Variants in CFAP20DC observed in about 807,000 individuals in gnomAD.
CFAP20DC encodes the protein CFAP20 domain containing.
In CFAP20DC, 84 loss-of-function variants were observed where a neutral mutation model predicts 101.7. The ratio of observed to expected loss-of-function variants is 0.83; its 90% CI spans 0.69 to 0.99. CFAP20DC has a LOEUF of 0.99. CFAP20DC is among the 50% of genes least tolerant of loss of function. The probability of loss-of-function intolerance (pLI) is 0.00; values close to 1 mark genes in which losing one functional copy is unlikely to be tolerated. For synonymous variants in CFAP20DC, 359 were observed against 351.2 expected (o/e 1.02, Z -0.25); for missense variants, 1,007 against 970.3 (o/e 1.04, Z -0.50).
intron 15 of CFAP20DC, among the ~76,000 whole-genome samples, chr3:58,764,312 C>T (rs746362581): frequency 1.4e-4 from 21 of 152,150 alleles, no homozygotes; most frequent in Non-Finnish European, 1.5e-4. Flanking sequence ...AGCGAGGCTC[C>T]GTTGGTGTAG....
intron 14 of CFAP20DC, among the ~76,000 whole-genome samples, chr3:58,824,266 T>A (rs1236371623): frequency 6.6e-6 from 1 of 152,084 alleles, no homozygotes; most frequent in East Asian, 1.9e-4. Flanking sequence ...AACCTATTAA[T>A]TATAAGGAGT....
At position 58,914,857 on chromosome 3, in the gene CFAP20DC, A is replaced by G. The variant is rs901632743; in HGVS notation, c.394-993T>C. On this transcript the variant is annotated intron_variant, in intron 5 of 16. Coordinates refer to ENST00000482387, the MANE Select transcript of CFAP20DC (RefSeq NM_001394063.1). This position sits in a 1 kb window ranked among gnomAD's most constrained non-coding sequence, Gnocchi z 4.9. ...TTTTCTATGTAGATGTCTCAACAGT[A>G]AAATTACATTTGCAGGCTGTGGCAA... is the stretch of plus-strand genomic sequence containing the variant. 6.6e-6 allele frequency: 1 copy of G among 152,114 alleles called. No individual in the cohort carries two copies. Among genetic ancestry groups the G allele is most frequent in the African/African-American group, 2.4e-5 (1 of 41,426 alleles). The allele number at this position is 152,114 out of a possible 1,614,324, so 9.4% of individuals were successfully genotyped here.
At chr3:58,763,436 C>T (rs931582421) in intron 15 of CFAP20DC, among the ~76,000 whole-genome samples, 16 of 151,958 alleles carry the variant, frequency 1.1e-4, no homozygotes, top group African/African-American at 3.4e-4. Flanking sequence ...GTTAGCCATT[C>T]GTCTAATTTT....
At chr3:58,900,066 A>C (rs931964400) in intron 6 of CFAP20DC, among the ~76,000 whole-genome samples, 1 of 152,206 alleles carries the variant, frequency 6.6e-6, no homozygotes, top group Admixed American at 6.5e-5. Flanking sequence ...AGAGACATTT[A>C]AGTTGAGTCA....
At position 58,863,472 on chromosome 3, in the gene CFAP20DC, C is replaced by T. The variant is rs893494153; in HGVS notation, c.1593+86G>A. ...TTTTATAAATAGCAGTTGATTTTCC[C>T]TCTTTCATTTCAACTTGTTTTAGTG... On this transcript the variant is annotated intron_variant, in intron 12 of 16. Coordinates refer to ENST00000482387, the MANE Select transcript of CFAP20DC (RefSeq NM_001394063.1). The surrounding 1 kb of genome is among the most constrained non-coding windows in gnomAD (Gnocchi z 5.9). 21 of 1,536,442 alleles carry T rather than the reference C, an allele frequency of 1.4e-5. No individual in the cohort carries two copies. The highest frequency in any genetic ancestry group is 1.7e-5 in the Non-Finnish European group (19 of 1,142,974).
intron 6 of CFAP20DC, among the ~76,000 whole-genome samples, chr3:58,908,407 T>C (rs1411564756): frequency 6.6e-6 from 1 of 152,186 alleles, no homozygotes; most frequent in Non-Finnish European, 1.5e-5. Context: ...TTTGGATAAA[T>C]TCTTATTCAG....
At chr3:58,733,798 A>G (rs2067693462) in intron 3 of CFAP20DC, among the ~76,000 whole-genome samples, 1 of 152,220 alleles carries the variant, frequency 6.6e-6, no homozygotes. Context: ...TATTTCTCCA[A>G]ATTCTCAGGA....
chr3:59,049,714 T>G lies in CFAP20DC; in HGVS notation c.-83A>C. The G allele has an allele frequency of 1.3e-6, 2 of 1,502,580 alleles. No individual in the cohort carries two copies. The highest frequency in any genetic ancestry group is 8.9e-7 in the Non-Finnish European group (1 of 1,125,360). 93.1% of individuals were successfully genotyped at this position (1,502,580 alleles called of 1,614,324 possible). A position where few individuals can be genotyped will look rare whatever the true frequency, so the allele number is the denominator to read the frequency against. On this transcript the variant is annotated 5_prime_UTR_variant, in exon 1 of 17. Coordinates refer to ENST00000482387, the MANE Select transcript of CFAP20DC (RefSeq NM_001394063.1). ...GTGACCCTGACGGCTGGAAATCGGCTGGCGGGAACCCAGGAGCCCGACGGG... is the reference window on the plus strand; with the variant it reads ...GTGACCCTGACGGCTGGAAATCGGCGGGCGGGAACCCAGGAGCCCGACGGG...
At chr3:58,737,413 G>A (rs1170456597), downstream of CFAP20DC, among the ~76,000 whole-genome samples, 1 of 152,074 alleles carries the variant, frequency 6.6e-6, no homozygotes, top group African/African-American at 2.4e-5. This position sits in a 1 kb window ranked among gnomAD's most constrained non-coding sequence, Gnocchi z 4.1. Context: ...TTGAGTTCTG[G>A]TGGGAGTCAG....
At chr3:58,821,834 ACAC>A (rs1460755071) in intron 14 of CFAP20DC, among the ~76,000 whole-genome samples, 1 of 133,614 alleles carries the variant, frequency 7.5e-6, no homozygotes, top group Non-Finnish European at 1.6e-5. Context: ...TGCTATAAAG[ACAC>A]ATGCACACGT....
intron 4 of CFAP20DC, among the ~76,000 whole-genome samples, chr3:58,988,122 A>C (rs2092812793): frequency 6.6e-6 from 1 of 152,154 alleles, no homozygotes; most frequent in South Asian, 2.1e-4. Flanking sequence ...GGTTATGGTC[A>C]AGAATGGAAG....
At chr3:58,917,569 C>A (rs2084873917) in intron 5 of CFAP20DC, among the ~76,000 whole-genome samples, 1 of 152,138 alleles carries the variant, frequency 6.6e-6, no homozygotes, top group Non-Finnish European at 1.5e-5. Flanking sequence ...ATTCTGTTTT[C>A]TCACTCCCAT....
chr3:59,041,045 A>G (rs1699332024), intron 3 of CFAP20DC, among the ~76,000 whole-genome samples: 1 of 152,152 alleles, frequency 6.6e-6, no homozygotes, highest in Non-Finnish European at 1.5e-5. Flanking sequence ...GTGAGATACC[A>G]AAATGAGGCC....
intron 6 of CFAP20DC, among the ~76,000 whole-genome samples, chr3:58,903,449 T>A (rs1313288585): frequency 1.3e-5 from 2 of 152,180 alleles, no homozygotes; most frequent in Non-Finnish European, 2.9e-5. Flanking sequence ...ATGTATGGTT[T>A]GTGTATTAGT....
chr3:58,802,324 T>C (rs2073768636), intron 15 of CFAP20DC, among the ~76,000 whole-genome samples: 1 of 152,242 alleles, frequency 6.6e-6, no homozygotes, highest in Non-Finnish European at 1.5e-5. Flanking sequence ...CAAGTGTACA[T>C]GTTAGGAAAC....
rs1452305661 is a variant in CFAP20DC, at chr3:58,913,722, G to A, written c.536C>T (p.Thr179Ile). The change falls in exon 6 of 17, where the codon ACT (threonine) becomes ATT (isoleucine). Residue 179 changes from threonine to isoleucine, a missense_variant. Transcript: ENST00000482387. This position sits in a 1 kb window ranked among gnomAD's most constrained non-coding sequence, Gnocchi z 4.4. ...IFTLKSKPQD[T>I]ADKDAVYGVP... ...CCTGAACATACCATCCTTATCAGCA[G>A]TGTCTTGTGGCTTTGATTTTAAGGT... The A allele has an allele frequency of 7.4e-6, 12 of 1,613,564 alleles. No homozygotes were observed. The highest frequency in any genetic ancestry group is 1.3e-5 in the African/African-American group (1 of 74,894).
At chr3:58,885,704 A>G (rs907851143) in intron 6 of CFAP20DC, among the ~76,000 whole-genome samples, 1 of 151,606 alleles carries the variant, frequency 6.6e-6, no homozygotes, top group Non-Finnish European at 1.5e-5. Flanking sequence ...GAGTGAGAAC[A>G]CGTGGCATTC....
chr3:58,910,965 T>C (rs1266222430), intron 6 of CFAP20DC, among the ~76,000 whole-genome samples: 1 of 152,060 alleles, frequency 6.6e-6, no homozygotes, highest in Non-Finnish European at 1.5e-5. Flanking sequence ...ATCCAAATAT[T>C]GGAGTTGTGA....
chr3:58,748,430 C>G (rs952243510), intron 16 of CFAP20DC, among the ~76,000 whole-genome samples: 1 of 152,086 alleles, frequency 6.6e-6, no homozygotes, highest in African/African-American at 2.4e-5. Context: ...GTGTTTCGCT[C>G]TACTGGAGAG....
Sources: gnomAD v4.1 joint callset for allele counts (sites outside exome capture counted in the v4.1 genomes callset) on GRCh38, gnomAD v4.1.1 for gene constraint, Gnocchi (gnomAD v3.1) non-coding constraint, MANE v1.5 for transcripts, NCBI Gene and HGNC (gene_info 2026-07-23, HGNC 2026-07-21) for gene names.